The following GRIA3 variants were observed in gnomAD, a reference collection of about 807,000 sequenced individuals.
GRIA3 encodes glutamate receptor 3.
Under a neutral mutation model 63.0 loss-of-function variants are expected in GRIA3, and 3 were observed. The observed-to-expected ratio is 0.05, with a 90% CI of 0.02 to 0.12. The LOEUF is 0.12. Ranked by LOEUF, GRIA3 falls within the 10% of genes least tolerant of loss-of-function variation. The probability of loss-of-function intolerance (pLI) is 1.00; values close to 1 mark genes in which losing one functional copy is unlikely to be tolerated. For missense variants in GRIA3, 347 were observed against 700.9 expected (o/e 0.50, Z 5.70); for synonymous variants, 274 against 257.9 (o/e 1.06, Z -0.60).
At chrX:123,377,985 T>G (rs1603122223) in intron 5 of GRIA3, among the ~76,000 whole-genome samples, 1 of 112,184 alleles carries the variant, frequency 8.9e-6, no homozygotes, top group African/African-American at 3.2e-5. Flanking sequence ...CTGTCCTCTA[T>G]CGAGATCCTC....
chrX:123,196,219 T>C (rs1232966289), intron 2 of GRIA3, among the ~76,000 whole-genome samples: 1 of 111,647 alleles, frequency 9.0e-6, no homozygotes, highest in Admixed American at 9.5e-5. Context: ...TCACCAACTT[T>C]AGACCAGGGT....
chrX:123,312,411 T>C (rs1282950531), intron 3 of GRIA3, among the ~76,000 whole-genome samples: 1 of 111,788 alleles, frequency 8.9e-6, no homozygotes. Flanking sequence ...ATGAAAGGTT[T>C]GTGGGATGGA....
chrX:123,204,590 G>C (rs1927835659), intron 2 of GRIA3: 1 of 1,127,641 alleles, frequency 8.9e-7, no homozygotes, highest in African/African-American at 1.8e-5. Context: ...ACCCTCTGGA[G>C]ATAAAATAAA....
chrX:123,353,345 C>T (rs145749856), intron 4 of GRIA3, among the ~76,000 whole-genome samples: 1,467 of 112,100 alleles, frequency 0.013, 26 homozygotes, highest in African/African-American at 0.045. Context: ...CCAATCCCAG[C>T]TTTACCGCTT....
rs145193586 is a variant in GRIA3, at chrX:123,484,541, C to T, written c.*2+1495C>T. Among the ~76,000 whole-genome samples the T allele has an allele frequency of 6.7e-3, 750 of 111,776 alleles. 19 individuals carry two copies. The East Asian group carries it at 0.083, about 12-fold the overall frequency. ...TATCGCCCAGGCTGGAGTGCAGTGA[C>T]GCGATCTCAGCTCATTGCAACCTCC... On this transcript the variant is annotated intron_variant, in intron 15 of 15. Coordinates refer to ENST00000620443, the MANE Select transcript of GRIA3 (RefSeq NM_007325.5).
At chrX:123,440,625 C>T (rs2045669121) in intron 12 of GRIA3, among the ~76,000 whole-genome samples, 2 of 112,468 alleles carry the variant, frequency 1.8e-5, no homozygotes, top group African/African-American at 6.5e-5. Flanking sequence ...ATGGCCTTTG[C>T]CCACTTTTTA....
intron 3 of GRIA3, among the ~76,000 whole-genome samples, chrX:123,264,556 A>G (rs1173204232): frequency 8.9e-6 from 1 of 111,798 alleles, no homozygotes; most frequent in Non-Finnish European, 1.9e-5. Context: ...GCACTTACTG[A>G]AGTTAGGCTC....
intron 5 of GRIA3, among the ~76,000 whole-genome samples, chrX:123,367,110 C>A (rs145136870): frequency 1.8e-5 from 2 of 110,749 alleles, no homozygotes; most frequent in Non-Finnish European, 3.8e-5. Flanking sequence ...TTTGGGTAGA[C>A]GAGAAATGCC....
chrX:123,241,092 G>A (rs772501677), intron 2 of GRIA3, among the ~76,000 whole-genome samples: 67 of 111,702 alleles, frequency 6.0e-4, no homozygotes, highest in African/African-American at 2.1e-3. Flanking sequence ...TAGGGGTGAA[G>A]AATAAAGTAG....
At chrX:123,407,695 G>GA (rs1556314638) in intron 10 of GRIA3, among the ~76,000 whole-genome samples, 1 of 81,942 alleles carries the variant, frequency 1.2e-5, no homozygotes, top group Non-Finnish European at 2.3e-5. Flanking sequence ...TGGTTGCGGG[G>GA]GGGGGGGGGA....
At position 123,398,628 on chromosome X, in the gene GRIA3, C is replaced by T; in HGVS notation, c.913-8C>T. ...CATGATATCTTGTTTTTCATGCATC[C>T]ATTTCAGTATACATCTGCATTGACA... is the stretch of plus-strand genomic sequence containing the variant. On this transcript the variant is annotated splice_polypyrimidine_tract_variant and splice_region_variant and intron_variant, in intron 6 of 15. Transcript: ENST00000620443. 3.4e-6 allele frequency: 4 copies of T among 1,192,741 alleles called. No individual in the cohort carries two copies. Among genetic ancestry groups the T allele is most frequent in the Non-Finnish European group, 4.5e-6 (4 of 879,509 alleles).
At chrX:123,332,553 G>C (rs1389608970) in intron 4 of GRIA3, among the ~76,000 whole-genome samples, 1 of 111,250 alleles carries the variant, frequency 9.0e-6, no homozygotes, top group Admixed American at 9.6e-5. Context: ...ACCAGGTACT[G>C]TTAATCACTG....
chrX:123,437,840 G>A (rs1383905278), intron 12 of GRIA3, among the ~76,000 whole-genome samples: 2 of 111,816 alleles, frequency 1.8e-5, no homozygotes, highest in African/African-American at 3.2e-5. Flanking sequence ...TTTCCAAAGC[G>A]TTGGAGAACG....
chrX:123,184,581 T>C lies in GRIA3; in HGVS notation c.46T>C (p.Phe16Leu), dbSNP rs1330694208. ...GGGGCAAAGCGTGCTCCGGGCGGTCTTCTTTTTAGTCCTGGGGCTTTTGGG... is the reference window on the plus strand; with the variant it reads ...GGGGCAAAGCGTGCTCCGGGCGGTCCTCTTTTTAGTCCTGGGGCTTTTGGG... ...KMGQSVLRAV[F>L]FLVLGLLGHS... Residue 16 changes from phenylalanine (F) to leucine (L), a missense_variant, in exon 1 of 16, where the codon TTC becomes CTC. Transcript: ENST00000620443. The C allele has an allele frequency of 4.1e-6, 5 of 1,207,934 alleles. No homozygotes were observed. The African/African-American group carries it at 8.8e-5, about 21-fold the overall frequency.
In GRIA3 at chrX:123,206,137, T is replaced by C. The variant is rs1298874926; in HGVS notation, c.268+20147T>C. Among the ~76,000 whole-genome samples the C allele has an allele frequency of 2.7e-5, 3 of 112,077 alleles. No individual in the cohort carries two copies. The Admixed American group carries it at 2.8e-4, about 11-fold the overall frequency. ...GAAGCATGGCAAATTATTGTGTGTT[T>C]AGCCTGTCACTTCTCTTTCCTTGTT... On this transcript the variant is annotated intron_variant, in intron 2 of 15. Transcript: ENST00000620443.
chrX:123,378,584 T>C (rs941914840), intron 5 of GRIA3, among the ~76,000 whole-genome samples: 5 of 109,773 alleles, frequency 4.6e-5, no homozygotes, highest in African/African-American at 6.6e-5. Context: ...TTAATTTTTG[T>C]ATTTTAGTAG....
chrX:123,415,773 G>A (rs1179159003), intron 10 of GRIA3, among the ~76,000 whole-genome samples: 2 of 111,811 alleles, frequency 1.8e-5, no homozygotes, highest in Non-Finnish European at 3.8e-5. Flanking sequence ...GATGTAGGAT[G>A]CCCTCCATGC....
At chrX:123,483,098 C>A in intron 15 of GRIA3, 52 bp downstream of exon 15, 8 of 962,905 alleles carry the variant, frequency 8.3e-6, no homozygotes, top group African/African-American at 2.0e-5. Context: ...GTATGTCAAT[C>A]TCTTTTTTTC....
rs971244935 is a variant in GRIA3 at position 123,485,713 on chromosome X, C to T, written c.*2+2667C>T. The stretch of plus-strand genomic sequence containing the variant: ...TCTGAAACAGGATTACATCAAGGCT[C>T]AGGGTCACATGACCTCCAGACTCTT... On this transcript the variant is annotated intron_variant, in intron 15 of 15. Coordinates refer to ENST00000620443, the MANE Select transcript of GRIA3 (RefSeq NM_007325.5). Among the ~76,000 whole-genome samples the T allele has an allele frequency of 2.7e-5, 3 of 111,873 alleles. No individual in the cohort carries two copies. The Admixed American group carries it at 2.8e-4, about 11-fold the overall frequency.
Sources: allele counts gnomAD v4.1 joint callset (sites outside exome capture counted in the v4.1 genomes callset), GRCh38; gene constraint gnomAD v4.1.1; transcripts MANE v1.5; gene names NCBI Gene and HGNC (gene_info 2026-07-23, HGNC 2026-07-21).